Variants in NSMCE2 observed in about 807,000 individuals in gnomAD.
The protein encoded by NSMCE2 is NSE2 SUMO ligase component of SMC5/6 complex, also known as E3 SUMO-protein ligase NSE2.
In NSMCE2, 24 loss-of-function variants were observed where a neutral mutation model predicts 23.8. The observed-to-expected ratio is 1.01, with a 90% confidence interval of 0.73 to 1.42. The LOEUF (loss-of-function observed/expected upper bound fraction) is 1.42, where lower values mean the gene tolerates loss of function less well. Ranked by LOEUF, NSMCE2 falls within the 40% of genes most tolerant of loss-of-function variation. The pLI, the probability that NSMCE2 is intolerant of heterozygous loss-of-function variation, is 0.00. For synonymous variants in NSMCE2, 92 were observed against 94.1 expected, an observed-to-expected ratio of 0.98 and a Z score of 0.13; for missense variants, 284 against 296.5, an observed-to-expected ratio of 0.96 and a Z score of 0.31.
chr8:125,217,498 C>G (rs1824648489), intron 5 of NSMCE2, among the ~76,000 whole-genome samples: 1 of 152,018 alleles, frequency 6.6e-6, no homozygotes, highest in Non-Finnish European at 1.5e-5. Context: ...GTAGCTGGGA[C>G]TACGGGCACC....
chr8:125,112,002 G>A (rs1818777031), intron 3 of NSMCE2, among the ~76,000 whole-genome samples: 1 of 152,090 alleles, frequency 6.6e-6, no homozygotes. Flanking sequence ...CCTTGTTCCT[G>A]TCTTTTATTT....
At chr8:125,111,558 G>C (rs985011678) in intron 3 of NSMCE2, among the ~76,000 whole-genome samples, 3 of 152,298 alleles carry the variant, frequency 2.0e-5, no homozygotes, top group African/African-American at 7.2e-5. Context: ...CCAGCACTTT[G>C]GGAGGCCGAG....
intron 5 of NSMCE2, among the ~76,000 whole-genome samples, chr8:125,197,255 G>C (rs945118424): frequency 1.3e-5 from 2 of 152,160 alleles, no homozygotes; most frequent in Non-Finnish European, 2.9e-5. Flanking sequence ...TGGTGTTTTA[G>C]TCATGAAGTC....
intron 5 of NSMCE2, among the ~76,000 whole-genome samples, chr8:125,300,220 G>A (rs1036101853): frequency 1.3e-5 from 2 of 151,544 alleles, no homozygotes; most frequent in Middle Eastern, 3.2e-3. Context: ...CCAGGCTAGA[G>A]TGCAGTAGTG....
chr8:125,094,022 T>G (rs2130295122), intron 1 of NSMCE2, among the ~76,000 whole-genome samples: 1 of 152,028 alleles, frequency 6.6e-6, no homozygotes, highest in African/African-American at 2.4e-5. Context: ...CAGGCTGGTC[T>G]TAAACTCCTG....
chr8:125,127,868 A>G (rs571039204), intron 3 of NSMCE2, among the ~76,000 whole-genome samples: 1 of 152,344 alleles, frequency 6.6e-6, no homozygotes, highest in Non-Finnish European at 1.5e-5. Context: ...TTTCATATAC[A>G]CATAGCCTGA....
intron 5 of NSMCE2, among the ~76,000 whole-genome samples, chr8:125,352,476 C>CAAAA (rs1250506610): frequency 2.6e-5 from 2 of 77,880 alleles, no homozygotes; most frequent in Non-Finnish European, 5.4e-5. Flanking sequence ...AAATCCATCT[C>CAAAA]AAAAAAAAAA....
At chr8:125,178,273 T>C (rs1378590756) in intron 4 of NSMCE2, among the ~76,000 whole-genome samples, 1 of 152,188 alleles carries the variant, frequency 6.6e-6, no homozygotes. Context: ...CCTGATCCAC[T>C]CTTCTGGTCT....
intron 5 of NSMCE2, among the ~76,000 whole-genome samples, chr8:125,296,826 A>G (rs1828349175): frequency 6.6e-6 from 1 of 152,248 alleles, no homozygotes; most frequent in African/African-American, 2.4e-5. Flanking sequence ...GAAAATGGCC[A>G]AGGTGTACTT....
chr8:125,360,048 G>A (rs988245527), intron 7 of NSMCE2, among the ~76,000 whole-genome samples: 12 of 152,278 alleles, frequency 7.9e-5, no homozygotes, highest in South Asian at 6.2e-4. Context: ...GACATTTGAC[G>A]ACTGACTGAA....
At chr8:125,342,431 C>T (rs1181154146) in intron 5 of NSMCE2, among the ~76,000 whole-genome samples, 1 of 152,070 alleles carries the variant, frequency 6.6e-6, no homozygotes, top group Non-Finnish European at 1.5e-5. Context: ...CTAAGCTGAT[C>T]CTGATTTTGA....
chr8:125,332,756 T>C (rs1467142796), intron 5 of NSMCE2, among the ~76,000 whole-genome samples: 1 of 152,218 alleles, frequency 6.6e-6, no homozygotes, highest in African/African-American at 2.4e-5. Context: ...AGAAGCTTGC[T>C]CAGGGAGAGG....
chr8:125,111,451 C>T (rs1353451544), intron 3 of NSMCE2, among the ~76,000 whole-genome samples: 7 of 152,156 alleles, frequency 4.6e-5, no homozygotes, highest in Non-Finnish European at 1.0e-4. Context: ...CCCTATCACC[C>T]ATCACCTTAT....
chr8:125,261,946 A>T (rs1052406828), intron 5 of NSMCE2, among the ~76,000 whole-genome samples: 2 of 151,810 alleles, frequency 1.3e-5, no homozygotes, highest in Admixed American at 1.3e-4. Flanking sequence ...AAAATAGAAA[A>T]ATTAGCCAGG....
chr8:125,229,499 G>A (rs7010385), intron 5 of NSMCE2, among the ~76,000 whole-genome samples: 24,068 of 152,128 alleles, frequency 0.16, 2,935 homozygotes, highest in African/African-American at 0.34. Flanking sequence ...GGAAGAAAGG[G>A]TGGAAGAGAA....
chr8:125,103,882 A>G (rs1167337211), intron 3 of NSMCE2, among the ~76,000 whole-genome samples: 2 of 151,576 alleles, frequency 1.3e-5, no homozygotes, highest in East Asian at 1.9e-4. Flanking sequence ...ATTTTCCTCT[A>G]CATTCTTGAG....
At chr8:125,158,488 T>C (rs1413470917) in intron 4 of NSMCE2, among the ~76,000 whole-genome samples, 1 of 151,914 alleles carries the variant, frequency 6.6e-6, no homozygotes, top group Non-Finnish European at 1.5e-5. Flanking sequence ...ATATGGACCT[T>C]TGAAGGGCCA....
At chr8:125,249,993 AT>A (rs1292785163) in intron 5 of NSMCE2, among the ~76,000 whole-genome samples, 1 of 152,046 alleles carries the variant, frequency 6.6e-6, no homozygotes, top group Non-Finnish European at 1.5e-5. Context: ...TTACTTATTC[AT>A]TTATTTATTT....
At chr8:125,240,845 T>C (rs1825740305) in intron 5 of NSMCE2, among the ~76,000 whole-genome samples, 1 of 152,124 alleles carries the variant, frequency 6.6e-6, no homozygotes, top group Non-Finnish European at 1.5e-5. Flanking sequence ...AAAAAAAAGG[T>C]ATATAAACAC....
Sources: allele counts gnomAD v4.1 joint callset (sites outside exome capture counted in the v4.1 genomes callset), GRCh38; gene constraint gnomAD v4.1.1; transcripts MANE v1.5; gene names NCBI Gene and HGNC (gene_info 2026-07-23, HGNC 2026-07-21).